SLC9C1: variants seen among roughly 807,000 people sequenced by gnomAD.
The protein encoded by SLC9C1 is sodium/hydrogen exchanger 10.
Under a neutral mutation model 140.9 loss-of-function variants are expected in SLC9C1, and 97 were observed. The observed-to-expected ratio is 0.69, with a 90% CI of 0.58 to 0.82. The LOEUF (loss-of-function observed/expected upper bound fraction) is 0.82, where lower values mean the gene tolerates loss of function less well. Among genes scored for constraint, SLC9C1 ranks in the 40% least tolerant of loss-of-function variants. The probability of loss-of-function intolerance (pLI) is 0.00; values close to 1 mark genes in which losing one functional copy is unlikely to be tolerated. For synonymous variants in SLC9C1, 440 were observed against 442.6 expected (o/e 0.99, Z 0.07); for missense variants, 1,340 against 1,389.3 (o/e 0.96, Z 0.56).
chr3:112,153,946 G>C (rs573513436), intron 27 of SLC9C1, among the ~76,000 whole-genome samples: 25 of 152,122 alleles, frequency 1.6e-4, no homozygotes, highest in Non-Finnish European at 2.1e-4. Context: ...TCTTTCATGA[G>C]GGATGGACAC....
Position 112,182,237 on chromosome 3 carries a change from C to T in SLC9C1, c.2545G>A (p.Glu849Lys). ...INKLIMAKKK[E>K]VLDSQSIIRP... is the part of the protein sequence containing the mutation. Reference sequence around the variant, plus strand: ...ATAATAGATTGAGAATCAAGCACCTCTTTCTTTTTGGCCATGATTAACTAA... The same window carrying T: ...ATAATAGATTGAGAATCAAGCACCTTTTTCTTTTTGGCCATGATTAACTAA... The change falls in exon 21 of 29, where the codon GAG (glutamate) becomes AAG (lysine). Residue 849 changes from glutamate (E) to lysine (K), a missense_variant. Glu to Lys is a moderately conservative substitution (Grantham distance 56). Coordinates refer to ENST00000305815, the MANE Select transcript of SLC9C1 (RefSeq NM_183061.3). 6.2e-7 allele frequency: 1 copy of T among 1,603,854 alleles called. No homozygotes were observed. The highest frequency in any genetic ancestry group is 1.1e-5 in the South Asian group (1 of 88,326).
chr3:112,271,912 T>G (rs2080088642), intron 6 of SLC9C1, among the ~76,000 whole-genome samples: 1 of 152,226 alleles, frequency 6.6e-6, no homozygotes, highest in South Asian at 2.1e-4. Flanking sequence ...TACATTTTTT[T>G]TGTGCTTCTC....
At chr3:112,278,325 G>A (rs56353930) in intron 4 of SLC9C1, among the ~76,000 whole-genome samples, 29,989 of 152,056 alleles carry the variant, frequency 0.2, 3,342 homozygotes, top group Middle Eastern at 0.26. Flanking sequence ...TTAGCTGCTT[G>A]TGTTTTCTTC....
In SLC9C1 at chr3:112,217,520, T is replaced by C. The variant is rs1553796142; in HGVS notation, c.1712A>G (p.Gln571Arg). The C allele has an allele frequency of 6.2e-7, 1 of 1,609,986 alleles. No individual in the cohort carries two copies. Reference sequence around the variant, plus strand: ...TTTTCTAGCAAAGGTAACTGTTTTTTGGCTTTCAGAATAATTCTTTATTGT... The same window carrying C: ...TTTTCTAGCAAAGGTAACTGTTTTTCGGCTTTCAGAATAATTCTTTATTGT... ...LDTIKNYSES[Q>R]KTVTFARKLL... Residue 571 changes from glutamine to arginine, a missense_variant, in exon 15 of 29, where the codon CAA becomes CGA. By Grantham distance (43) the Gln-to-Arg change is conservative. Transcript: ENST00000305815.
intron 15 of SLC9C1, among the ~76,000 whole-genome samples, chr3:112,217,169 C>G (rs1463300623): frequency 6.6e-6 from 1 of 151,822 alleles, no homozygotes; most frequent in Non-Finnish European, 1.5e-5. Flanking sequence ...AACACTTGGA[C>G]ACATGGTGGG....
chr3:112,262,978 G>T lies in SLC9C1; in HGVS notation c.1143C>A (p.Ala381=), dbSNP rs1443221837. The T allele has an allele frequency of 1.2e-6, 2 of 1,601,668 alleles. No homozygotes were observed. The highest frequency in any genetic ancestry group is 1.7e-6 in the Non-Finnish European group (2 of 1,175,214). The change falls in exon 10 of 29, where the codon GCC becomes GCA. Residue 381 remains alanine (A), a synonymous_variant. Coordinates refer to ENST00000305815, the MANE Select transcript of SLC9C1 (RefSeq NM_183061.3). The part of the protein sequence containing the change: ...EMKGMPNINM[A]LLLAYSDLYF... ...AAAGATCAGAGTAGGCAAGCAGAAG[G>T]GCCATGTTTATATTAGGCATCCCCT...
intron 2 of SLC9C1, among the ~76,000 whole-genome samples, chr3:112,284,985 C>CT (rs61428176): frequency 0.095 from 9,745 of 102,930 alleles, 1,330 homozygotes; most frequent in East Asian, 0.21. Context: ...TACAATTTTT[C>CT]TTTTTTTTTT....
At chr3:112,227,484 G>A (rs550854572) in intron 13 of SLC9C1, among the ~76,000 whole-genome samples, 2 of 150,992 alleles carry the variant, frequency 1.3e-5, no homozygotes, top group South Asian at 4.2e-4. Context: ...AAAGACCAAA[G>A]CCATTTGATC....
intron 10 of SLC9C1, among the ~76,000 whole-genome samples, chr3:112,253,888 G>T (rs1040285324): frequency 1.3e-5 from 2 of 152,224 alleles, no homozygotes; most frequent in Non-Finnish European, 1.5e-5. Flanking sequence ...ACAATAAAAT[G>T]ATACACAGAT....
intron 6 of SLC9C1, among the ~76,000 whole-genome samples, chr3:112,271,831 T>C (rs1344177301): frequency 2.0e-5 from 3 of 152,194 alleles, no homozygotes; most frequent in Non-Finnish European, 4.4e-5. Context: ...ATCGCTTCCT[T>C]ATTTTTGAGC....
chr3:112,183,146 A>G (rs1049329140), intron 20 of SLC9C1, among the ~76,000 whole-genome samples: 2 of 152,078 alleles, frequency 1.3e-5, no homozygotes, highest in Non-Finnish European at 2.9e-5. Flanking sequence ...GCATATGTTC[A>G]ATTTTAATAG....
intron 28 of SLC9C1, among the ~76,000 whole-genome samples, chr3:112,144,934 C>G (rs971102265): frequency 6.6e-6 from 1 of 152,030 alleles, no homozygotes; most frequent in African/African-American, 2.4e-5. Context: ...GACTTTATTT[C>G]TTTCTTTTGC....
At chr3:112,149,928 C>G (rs1191393664) in intron 28 of SLC9C1, among the ~76,000 whole-genome samples, 1 of 152,128 alleles carries the variant, frequency 6.6e-6, no homozygotes, top group Non-Finnish European at 1.5e-5. Context: ...CCCACTGCAC[C>G]ACAATCTCAG....
chr3:112,289,017 C>G (rs2080600292), intron 1 of SLC9C1, among the ~76,000 whole-genome samples: 1 of 152,082 alleles, frequency 6.6e-6, no homozygotes, highest in African/African-American at 2.4e-5. Flanking sequence ...GGTTTGCAGC[C>G]TGGGCTCTTC....
chr3:112,259,434 C>T (rs984871209), intron 10 of SLC9C1, among the ~76,000 whole-genome samples: 1 of 140,182 alleles, frequency 7.1e-6, no homozygotes, highest in South Asian at 2.3e-4. Context: ...AAAAAAAAAG[C>T]AAAAAACATA....
At chr3:112,162,206 T>C (rs1225256665) in intron 26 of SLC9C1, among the ~76,000 whole-genome samples, 1 of 152,222 alleles carries the variant, frequency 6.6e-6, no homozygotes, top group African/African-American at 2.4e-5. Flanking sequence ...TACAATCATG[T>C]CATCTGCAAA....
chr3:112,248,261 A>G (rs2079348793), intron 10 of SLC9C1, among the ~76,000 whole-genome samples: 1 of 149,530 alleles, frequency 6.7e-6, no homozygotes, highest in African/African-American at 2.5e-5. Flanking sequence ...CTCTAGCCCC[A>G]GTTGAGCCTT....
intron 26 of SLC9C1, among the ~76,000 whole-genome samples, chr3:112,162,365 G>A (rs1319952711): frequency 2.6e-5 from 4 of 152,042 alleles, no homozygotes; most frequent in Admixed American, 1.3e-4. Context: ...CAAAGGGAAT[G>A]CTTCCAGTTT....
intron 23 of SLC9C1, among the ~76,000 whole-genome samples, chr3:112,173,988 G>A (rs921097098): frequency 6.6e-6 from 1 of 152,198 alleles, no homozygotes; most frequent in Non-Finnish European, 1.5e-5. Flanking sequence ...ACTGGTGTGA[G>A]ATGGTATCTC....
Sources: allele counts gnomAD v4.1 joint callset (sites outside exome capture counted in the v4.1 genomes callset), GRCh38; gene constraint gnomAD v4.1.1; transcripts MANE v1.5; gene names NCBI Gene and HGNC (gene_info 2026-07-23, HGNC 2026-07-21).